The following C12orf54 variants were observed in gnomAD, a reference collection of about 807,000 sequenced individuals.
The protein encoded by C12orf54 is chromosome 12 open reading frame 54, also known as uncharacterized protein C12orf54.
A neutral mutation model predicts 26.4 loss-of-function variants in C12orf54; 24 were observed. The observed-to-expected ratio is 0.91, with a 90% confidence interval of 0.66 to 1.28. The LOEUF (loss-of-function observed/expected upper bound fraction) is 1.28, where lower values mean the gene tolerates loss of function less well. Among genes scored for constraint, C12orf54 ranks in the 50% most tolerant of loss-of-function variants. The probability of loss-of-function intolerance (pLI) is 0.00; values close to 1 mark genes in which losing one functional copy is unlikely to be tolerated. For synonymous variants in C12orf54, 54 were observed against 47.0 expected, an observed-to-expected ratio of 1.15 and a Z score of -0.61; for missense variants, 154 against 150.9, an observed-to-expected ratio of 1.02 and a Z score of -0.11.
the C12orf54 span, among the ~76,000 whole-genome samples, chr12:48,468,021 A>G: frequency 1.3e-5 from 2 of 152,132 alleles, no homozygotes; most frequent in African/African-American, 4.8e-5. Flanking sequence ...TTTATTCTAC[A>G]TACATTTGAG....
the C12orf54 span, among the ~76,000 whole-genome samples, chr12:48,447,006 T>A: frequency 6.6e-6 from 1 of 152,202 alleles, no homozygotes; most frequent in Non-Finnish European, 1.5e-5. Context: ...AATTTTCTCT[T>A]AGTGCAAGTC....
At chr12:48,415,204 A>G in the C12orf54 span, among the ~76,000 whole-genome samples, 4 of 152,198 alleles carry the variant, frequency 2.6e-5, no homozygotes, top group African/African-American at 9.6e-5. Flanking sequence ...GTATTTTTTC[A>G]CGTACTAAAA....
chr12:48,453,310 G>A, the C12orf54 span, among the ~76,000 whole-genome samples: 1 of 151,764 alleles, frequency 6.6e-6, no homozygotes, highest in East Asian at 2.0e-4. Flanking sequence ...ATACACAGTG[G>A]GCAACAGCAC....
the C12orf54 span, among the ~76,000 whole-genome samples, chr12:48,418,058 G>T: frequency 2.0e-5 from 3 of 152,294 alleles, no homozygotes; most frequent in South Asian, 4.1e-4. Context: ...CATAGCATTT[G>T]CCAATGCAGG....
At chr12:48,418,130 A>T in the C12orf54 span, among the ~76,000 whole-genome samples, 3 of 152,254 alleles carry the variant, frequency 2.0e-5, no homozygotes, top group African/African-American at 7.2e-5. Context: ...TGCAAATGGG[A>T]ATTCCATAAT....
Position 48,488,805 on chromosome 12 carries a change from T to C in C12orf54, c.136-119T>C, listed in dbSNP as rs533842857. 5 of 822,578 alleles carry C rather than the reference T, an allele frequency of 6.1e-6. No individual in the cohort carries two copies. The African/African-American group carries it at 8.6e-5, about 14-fold the overall frequency. The allele number at this position is 822,578 out of a possible 1,614,324, so 51.0% of individuals were successfully genotyped here. A position where few individuals can be genotyped will look rare whatever the true frequency, so the allele number is the denominator to read the frequency against. ...GCTACAAAGCCACAGTCTCTTGGCATTCACATTCTACAGCCTAGTGGCTAG... is the reference window on the plus strand; with the variant it reads ...GCTACAAAGCCACAGTCTCTTGGCACTCACATTCTACAGCCTAGTGGCTAG... On this transcript the variant is annotated intron_variant, in intron 4 of 8. Coordinates refer to ENST00000548364, the MANE Select transcript of C12orf54 (RefSeq NM_152319.4).
the C12orf54 span, chr12:48,442,278 G>C: frequency 1.1e-5 from 2 of 181,486 alleles, no homozygotes; most frequent in Non-Finnish European, 1.2e-5. Context: ...CTGATCCTCA[G>C]GATGGTGGAC....
chr12:48,459,492 G>A, the C12orf54 span, among the ~76,000 whole-genome samples: 1 of 152,140 alleles, frequency 6.6e-6, no homozygotes, highest in Non-Finnish European at 1.5e-5. Flanking sequence ...GGTTATCTGG[G>A]TGGAGATGAT....
the C12orf54 span, among the ~76,000 whole-genome samples, chr12:48,419,993 A>G: frequency 6.6e-6 from 1 of 152,234 alleles, no homozygotes; most frequent in East Asian, 1.9e-4. Flanking sequence ...CCAAAAAGAA[A>G]AAAGAGAAAT....
chr12:48,458,413 G>A, the C12orf54 span, among the ~76,000 whole-genome samples: 1 of 152,132 alleles, frequency 6.6e-6, no homozygotes, highest in Non-Finnish European at 1.5e-5. Flanking sequence ...GGACAGAATA[G>A]GCTTCTCTTT....
chr12:48,427,489 T>C, the C12orf54 span, among the ~76,000 whole-genome samples: 6 of 152,266 alleles, frequency 3.9e-5, no homozygotes, highest in Admixed American at 2.6e-4. Flanking sequence ...TAGTATTTTG[T>C]CAAGGGTTTT....
the C12orf54 span, among the ~76,000 whole-genome samples, chr12:48,437,935 T>C: frequency 3.3e-5 from 5 of 152,158 alleles, no homozygotes; most frequent in African/African-American, 1.2e-4. Flanking sequence ...ATAAAGGGCA[T>C]TCAGTTAGGA....
chr12:48,456,895 C>G, the C12orf54 span, among the ~76,000 whole-genome samples: 19,271 of 152,014 alleles, frequency 0.13, 1,611 homozygotes, highest in Non-Finnish European at 0.2. Flanking sequence ...GAAAAGTGTG[C>G]ATCTTCAAAT....
At chr12:48,433,692 C>T in the C12orf54 span, among the ~76,000 whole-genome samples, 1 of 152,106 alleles carries the variant, frequency 6.6e-6, no homozygotes, top group Non-Finnish European at 1.5e-5. Flanking sequence ...TGTGATCTGC[C>T]CACCTTGGCC....
the C12orf54 span, chr12:48,442,092 A>G: frequency 6.5e-6 from 1 of 153,504 alleles, no homozygotes; most frequent in Non-Finnish European, 1.5e-5. Flanking sequence ...TTCAGGCTGT[A>G]AATGAGGAGA....
chr12:48,430,311 A>C, the C12orf54 span, among the ~76,000 whole-genome samples: 6 of 152,216 alleles, frequency 3.9e-5, no homozygotes, highest in Admixed American at 3.9e-4. Flanking sequence ...GCTGGGACTT[A>C]ATTAAACTAA....
At chr12:48,478,560 CAA>C (rs1299979352), upstream of C12orf54, among the ~76,000 whole-genome samples, 1 of 152,130 alleles carries the variant, frequency 6.6e-6, no homozygotes, top group Non-Finnish European at 1.5e-5. Context: ...TCTCAGGATA[CAA>C]AATCAATGTA....
At chr12:48,459,610 G>A in the C12orf54 span, among the ~76,000 whole-genome samples, 1 of 152,086 alleles carries the variant, frequency 6.6e-6, no homozygotes, top group Non-Finnish European at 1.5e-5. Flanking sequence ...TTGTGTCAGG[G>A]ATTCCCAAGA....
At chr12:48,466,564 T>C in the C12orf54 span, among the ~76,000 whole-genome samples, 9 of 151,140 alleles carry the variant, frequency 6.0e-5, no homozygotes, top group African/African-American at 2.2e-4. Context: ...AAAAGATACA[T>C]GACTTGCAAA....
Sources: gnomAD v4.1 joint callset for allele counts (sites outside exome capture counted in the v4.1 genomes callset) on GRCh38, gnomAD v4.1.1 for gene constraint, MANE v1.5 for transcripts, NCBI Gene and HGNC (gene_info 2026-07-23, HGNC 2026-07-21) for gene names.